The following ZRANB3 variants were observed in gnomAD, a reference collection of about 807,000 sequenced individuals.
ZRANB3 encodes the protein zinc finger RANBP2-type containing 3, also known as DNA annealing helicase and endonuclease ZRANB3.
Under a neutral mutation model 133.8 loss-of-function variants are expected in ZRANB3, and 125 were observed. The observed-to-expected ratio is 0.93, with a 90% CI of 0.81 to 1.08. ZRANB3 has a LOEUF of 1.08. Among genes scored for constraint, ZRANB3 ranks in the 50% least tolerant of loss-of-function variants. ZRANB3 has a pLI of 0.00. For missense variants in ZRANB3, 1,229 were observed against 1,275.5 expected (o/e 0.96, Z 0.56); for synonymous variants, 387 against 432.7 (o/e 0.89, Z 1.31).
chr2:135,406,397 C>A (rs140422895), intron 2 of ZRANB3, among the ~76,000 whole-genome samples: 2 of 151,932 alleles, frequency 1.3e-5, no homozygotes, highest in Non-Finnish European at 2.9e-5. Context: ...AGAGGTACAA[C>A]GAGGAGCTGG....
chr2:135,412,358 T>A (rs1214963437), intron 2 of ZRANB3, among the ~76,000 whole-genome samples: 1 of 152,172 alleles, frequency 6.6e-6, no homozygotes, highest in South Asian at 2.1e-4. Flanking sequence ...CTATCAACAT[T>A]GAGTTATCAA....
chr2:135,225,968 G>A (rs938956906), intron 14 of ZRANB3, among the ~76,000 whole-genome samples: 5 of 152,204 alleles, frequency 3.3e-5, no homozygotes, highest in African/African-American at 1.2e-4. Context: ...GAAAGCAGGA[G>A]AAATTGCCAA....
intron 2 of ZRANB3, among the ~76,000 whole-genome samples, chr2:135,437,524 ATGC>A (rs1389285631): frequency 3.9e-5 from 6 of 152,198 alleles, no homozygotes; most frequent in Non-Finnish European, 8.8e-5. Context: ...TCCAGTTTAG[ATGC>A]TGGTTATACA....
chr2:135,226,605 T>C (rs1459795103), intron 14 of ZRANB3, among the ~76,000 whole-genome samples: 1 of 152,220 alleles, frequency 6.6e-6, no homozygotes, highest in Admixed American at 6.5e-5. Flanking sequence ...TTAAAAAACA[T>C]TTGTAAGTAC....
intron 2 of ZRANB3, among the ~76,000 whole-genome samples, chr2:135,454,352 G>C (rs1161694257): frequency 6.6e-6 from 1 of 152,108 alleles, no homozygotes; most frequent in Non-Finnish European, 1.5e-5. Flanking sequence ...CATTGTTTCG[G>C]AGCCTTTCAC....
Position 135,504,413 on chromosome 2 carries a change from A to G in ZRANB3, c.77T>C (p.Leu26Pro), listed in dbSNP as rs564485993. ...TCTTAGTCTGTCAGGCAAAAAATCC[A>G]GCAGATTATCAGATTCATTTGTCAC... The part of the protein sequence containing the change: ...SCVTNESDNL[L>P]DFLPDRLRAK... Residue 26 changes from leucine (L) to proline (P), a missense_variant, in exon 2 of 21, where the codon CTG becomes CCG. Transcript: ENST00000264159. 68 of 1,613,748 alleles carry G rather than the reference A, an allele frequency of 4.2e-5. No individual in the cohort carries two copies. In the South Asian group the frequency reaches 6.6e-4, roughly 16 times the overall value.
intron 6 of ZRANB3, among the ~76,000 whole-genome samples, chr2:135,338,578 T>C (rs1684475967): frequency 6.6e-6 from 1 of 152,248 alleles, no homozygotes; most frequent in South Asian, 2.1e-4. Context: ...GCGTGTGTTT[T>C]ACACATATAC....
chr2:135,418,923 C>CTTTTTTTTTTT (rs1558986938), intron 2 of ZRANB3, among the ~76,000 whole-genome samples: 1 of 114,326 alleles, frequency 8.7e-6, no homozygotes, highest in African/African-American at 3.6e-5. Context: ...TAAGGATTCT[C>CTTTTTTTTTTT]TCTTTTTTTT....
At chr2:135,345,292 C>A in intron 6 of ZRANB3, 2 of 300,766 alleles carry the variant, frequency 6.6e-6, no homozygotes, top group East Asian at 6.7e-5. Context: ...ATGGTGAAAC[C>A]CCATCTCTAT....
chr2:135,416,291 A>T (rs1489412795), intron 2 of ZRANB3, among the ~76,000 whole-genome samples: 1 of 152,280 alleles, frequency 6.6e-6, no homozygotes, highest in East Asian at 1.9e-4. Context: ...TGCAAAAATC[A>T]CAAGCATTCT....
intron 2 of ZRANB3, among the ~76,000 whole-genome samples, chr2:135,423,366 G>A (rs1688942378): frequency 6.6e-6 from 1 of 152,186 alleles, no homozygotes; most frequent in Admixed American, 6.5e-5. Flanking sequence ...CCCAGGCGGA[G>A]GTTGCAGTGA....
rs1229089044 is a variant in ZRANB3 at position 135,224,445 on chromosome 2, C to T, written c.2231G>A (p.Arg744Gln). 21 of 1,612,092 alleles carry T rather than the reference C, an allele frequency of 1.3e-5. No homozygotes were observed. Among genetic ancestry groups the T allele is most frequent in the Middle Eastern group, 1.7e-4 (1 of 6,054 alleles). ...GCTTACCTTAGTATAGATGTGAATC[C>T]GGTCAGTATTCCTACTTGCACAGAA... is the stretch of plus-strand genomic sequence containing the variant. ...LMFCASRNTD[R>Q]IHIYTKDGKQ... The change falls in exon 15 of 21, where the codon CGG (arginine) becomes CAG (glutamine). Residue 744 changes from arginine (R) to glutamine (Q), a missense_variant. By Grantham distance (43) the Arg-to-Gln change is conservative (BLOSUM62 1). Coordinates refer to ENST00000264159, the MANE Select transcript of ZRANB3 (RefSeq NM_032143.4).
At chr2:135,528,415 T>C (rs1694250771) in intron 1 of ZRANB3, among the ~76,000 whole-genome samples, 1 of 152,188 alleles carries the variant, frequency 6.6e-6, no homozygotes, top group African/African-American at 2.4e-5. Context: ...CTTAAAGTGC[T>C]GGGATTACAG....
At position 135,207,726 on chromosome 2, in the gene ZRANB3, T is replaced by A. The variant is rs1272931500; in HGVS notation, c.2717A>T (p.Asn906Ile). 2.5e-6 allele frequency: 4 copies of A among 1,613,912 alleles called. No homozygotes were observed. Among genetic ancestry groups the A allele is most frequent in the Non-Finnish European group, 3.4e-6 (4 of 1,179,904 alleles). ...GCGAAGGCAAAGTGGATTTCCTTCA[T>A]TATCCACAGCTTGCAAATAGCCTTT... Reference protein sequence around the residue: ...TSKGYLQAVDNEGNPLCLRCQ... With the variant: ...TSKGYLQAVDIEGNPLCLRCQ... The change falls in exon 19 of 21, where the codon AAT becomes ATT. Residue 906 changes from asparagine (N) to isoleucine (I), a missense_variant. Physicochemically the swap from Asn to Ile is moderately radical, Grantham distance 149. Coordinates refer to ENST00000264159, the MANE Select transcript of ZRANB3 (RefSeq NM_032143.4).
chr2:135,343,262 G>A (rs1424348029), intron 6 of ZRANB3, among the ~76,000 whole-genome samples: 1 of 148,336 alleles, frequency 6.7e-6, no homozygotes, highest in African/African-American at 2.6e-5. Flanking sequence ...TAGAGATGAT[G>A]AGGTTTCTCT....
chr2:135,448,093 C>T (rs139427645), intron 2 of ZRANB3, among the ~76,000 whole-genome samples: 33 of 152,278 alleles, frequency 2.2e-4, no homozygotes, highest in Admixed American at 3.3e-4. Flanking sequence ...AATACTTGAG[C>T]TCCTTTAATA....
At chr2:135,346,446 CTG>C (rs554946692) in intron 5 of ZRANB3, among the ~76,000 whole-genome samples, 6 of 151,942 alleles carry the variant, frequency 3.9e-5, no homozygotes, top group Non-Finnish European at 7.4e-5. Context: ...CTTCATATAA[CTG>C]TGTGTGTATA....
At chr2:135,451,033 T>C (rs1369545122) in intron 2 of ZRANB3, among the ~76,000 whole-genome samples, 1 of 152,224 alleles carries the variant, frequency 6.6e-6, no homozygotes, top group Non-Finnish European at 1.5e-5. Flanking sequence ...TGCTCATAAT[T>C]CACACAGAAT....
At chr2:135,516,172 T>C (rs1693691395) in intron 1 of ZRANB3, among the ~76,000 whole-genome samples, 1 of 152,190 alleles carries the variant, frequency 6.6e-6, no homozygotes, top group South Asian at 2.1e-4. Context: ...TGAGCCTATG[T>C]GTGTCTTTGC....
Sources: allele counts gnomAD v4.1 joint callset (sites outside exome capture counted in the v4.1 genomes callset), GRCh38; gene constraint gnomAD v4.1.1; transcripts MANE v1.5; gene names NCBI Gene and HGNC (gene_info 2026-07-23, HGNC 2026-07-21).